CALN1: variants seen among roughly 807,000 people sequenced by gnomAD.
CALN1 encodes calneuron 1.
CALN1 carries 17 observed loss-of-function variants against 30.6 expected under a neutral mutation model. That is an observed-to-expected ratio of 0.56 (90% confidence interval 0.38 to 0.83). CALN1 has a LOEUF of 0.83. CALN1 is among the 40% of genes least tolerant of loss of function. CALN1 has a pLI of 0.00. For synonymous variants in CALN1, 156 were observed against 131.4 expected, an observed-to-expected ratio of 1.19 and a Z score of -1.28; for missense variants, 291 against 354.9, an observed-to-expected ratio of 0.82 and a Z score of 1.45.
At chr7:72,132,552 G>T (rs1438684368) in intron 3 of CALN1, among the ~76,000 whole-genome samples, 1 of 152,122 alleles carries the variant, frequency 6.6e-6, no homozygotes, top group East Asian at 1.9e-4. Flanking sequence ...AAAATTATAT[G>T]AAGAATGCCA....
At position 72,064,560 on chromosome 7, in the gene CALN1, A is replaced by G. The variant is rs148961214; in HGVS notation, c.389-40791T>C. ...AAATCCTGACAAGCTATCCTGATAT[A>G]ACCCCAGTAAAAATCATATATTTTG... On this transcript the variant is annotated intron_variant, in intron 4 of 6. Coordinates refer to ENST00000395275, the MANE Select transcript of CALN1 (RefSeq NM_031468.4). 3.5e-3 allele frequency among the ~76,000 whole-genome samples: 527 copies of G among 152,282 alleles called. 4 individuals are homozygous for G. Among genetic ancestry groups the G allele is most frequent in the African/African-American group, 0.012 (478 of 41,562 alleles).
At chr7:71,864,505 A>G (rs1424204672) in intron 5 of CALN1, among the ~76,000 whole-genome samples, 2 of 152,170 alleles carry the variant, frequency 1.3e-5, no homozygotes, top group East Asian at 3.9e-4. Flanking sequence ...CTGAATTCTG[A>G]CCGTGAATTA....
chr7:72,483,286 T>C, the CALN1 span, among the ~76,000 whole-genome samples: 391 of 95,568 alleles, frequency 4.1e-3, 3 homozygotes, highest in African/African-American at 0.011. Flanking sequence ...TTTTCTTTTT[T>C]TTTTTTTTTT....
the CALN1 span, among the ~76,000 whole-genome samples, chr7:72,465,946 G>C: frequency 6.6e-6 from 1 of 152,184 alleles, no homozygotes; most frequent in African/African-American, 2.4e-5. Flanking sequence ...CCCACCACGA[G>C]ACAATCCTGG....
intron 3 of CALN1, 78 bp from the exon 4 acceptor site, chr7:72,106,372 T>G (rs1807110979): frequency 1.3e-6 from 2 of 1,560,896 alleles, no homozygotes; most frequent in South Asian, 2.3e-5. Context: ...GATTGCCTAC[T>G]GAGAACTCCT....
intron 4 of CALN1, among the ~76,000 whole-genome samples, chr7:72,084,385 AAT>A (rs964558563): frequency 2.6e-4 from 33 of 124,846 alleles, no homozygotes; most frequent in South Asian, 2.3e-3. Context: ...AATGTAGTAA[AAT>A]TTTTTTTTTT....
At position 72,299,061 on chromosome 7, in the gene CALN1, A is replaced by G. The variant is rs567395691; in HGVS notation, c.120-20251T>C. On this transcript the variant is annotated intron_variant, in intron 2 of 6. Coordinates refer to ENST00000395275, the MANE Select transcript of CALN1 (RefSeq NM_031468.4). ...TAACCAGGCACTTGTGTCACAAGTC[A>G]CTGGAAGGTACCACAGTACCTCCCA... Among the ~76,000 whole-genome samples, 17 of 152,304 alleles carry G rather than the reference A, an allele frequency of 1.1e-4. 1 individual carries two copies. In the South Asian group the frequency reaches 3.5e-3, roughly 32 times the overall value.
chr7:72,403,151 A>G, intron 2 of CALN1, 100 bp downstream of exon 2: 1 of 800,550 alleles, frequency 1.2e-6, no homozygotes, highest in Non-Finnish European at 2.0e-6. Context: ...TCTCCAGCCT[A>G]GACACGCAGC....
intron 2 of CALN1, among the ~76,000 whole-genome samples, chr7:72,308,778 G>A (rs1025679492): frequency 3.3e-5 from 5 of 152,044 alleles, no homozygotes; most frequent in South Asian, 2.1e-4. Context: ...CCTCAAGGTC[G>A]GTGGGGGCAG....
chr7:72,413,299 A>G (rs2129563243), upstream of CALN1, among the ~76,000 whole-genome samples: 1 of 150,268 alleles, frequency 6.7e-6, no homozygotes, highest in South Asian at 2.1e-4. Flanking sequence ...ACATGTACAC[A>G]CACACGTATA....
rs568321547 is a variant in CALN1 at position 72,188,191 on chromosome 7, G to A, written c.245-81897C>T. Reference sequence around the variant, plus strand: ...GGCACACGCATGTTTACAGCAGCACGATTTGCAATTACAAAAATGTGGAAC... The same window carrying A: ...GGCACACGCATGTTTACAGCAGCACAATTTGCAATTACAAAAATGTGGAAC... On this transcript the variant is annotated intron_variant, in intron 3 of 6. Transcript: ENST00000395275. Among the ~76,000 whole-genome samples the A allele has an allele frequency of 9.9e-5, 15 of 151,274 alleles. No individual in the cohort carries two copies. In the East Asian group the frequency reaches 2.3e-3, roughly 23 times the overall value.
intron 5 of CALN1, among the ~76,000 whole-genome samples, chr7:71,858,104 G>C (rs1264928343): frequency 6.6e-6 from 1 of 152,164 alleles, no homozygotes; most frequent in Non-Finnish European, 1.5e-5. Context: ...TGTCATGGGA[G>C]GGACCCTGTG....
At chr7:72,238,401 AATT>A (rs1220791717) in intron 3 of CALN1, among the ~76,000 whole-genome samples, 1 of 152,116 alleles carries the variant, frequency 6.6e-6, no homozygotes, top group Non-Finnish European at 1.5e-5. Flanking sequence ...TTATTGAATG[AATT>A]ATTTAATGAG....
chr7:71,912,024 A>G (rs973010185), intron 5 of CALN1, among the ~76,000 whole-genome samples: 11 of 151,930 alleles, frequency 7.2e-5, no homozygotes, highest in African/African-American at 2.4e-4. Flanking sequence ...CTGCTTGTGG[A>G]TAATTTTTTC....
chr7:72,084,262 T>C (rs183853736), intron 4 of CALN1, among the ~76,000 whole-genome samples: 2 of 152,148 alleles, frequency 1.3e-5, no homozygotes, highest in African/African-American at 4.8e-5. Flanking sequence ...AACTAAAACT[T>C]TGTACAGGGG....
At chr7:72,358,748 A>G (rs1803387929) in intron 2 of CALN1, among the ~76,000 whole-genome samples, 1 of 152,062 alleles carries the variant, frequency 6.6e-6, no homozygotes, top group South Asian at 2.1e-4. Context: ...TAGGAGTTCG[A>G]GACAAGCGTG....
chr7:71,988,786 G>T (rs1231554886), intron 5 of CALN1, among the ~76,000 whole-genome samples: 1 of 152,080 alleles, frequency 6.6e-6, no homozygotes, highest in East Asian at 1.9e-4. Flanking sequence ...GCACTACATG[G>T]GAATAGGAGG....
chr7:72,182,277 A>T (rs1330139682), intron 3 of CALN1, among the ~76,000 whole-genome samples: 1 of 152,194 alleles, frequency 6.6e-6, no homozygotes, highest in Non-Finnish European at 1.5e-5. Flanking sequence ...GCTCTGAAAA[A>T]AAAAGCTGGT....
chr7:72,187,731 C>T (rs529514849), intron 3 of CALN1, among the ~76,000 whole-genome samples: 2 of 152,282 alleles, frequency 1.3e-5, no homozygotes, highest in African/African-American at 2.4e-5. Context: ...TGTCAGCATT[C>T]GCTCTTTTCG....
Sources: allele counts gnomAD v4.1 joint callset (sites outside exome capture counted in the v4.1 genomes callset), GRCh38; gene constraint gnomAD v4.1.1; transcripts MANE v1.5; gene names NCBI Gene and HGNC (gene_info 2026-07-23, HGNC 2026-07-21).